Variants in CNTN5 observed in about 807,000 individuals in gnomAD.
CNTN5 encodes contactin 5.
A neutral mutation model predicts 129.1 loss-of-function variants in CNTN5; 77 were observed. The ratio of observed to expected loss-of-function variants is 0.60; its 90% confidence interval spans 0.50 to 0.72. The LOEUF (loss-of-function observed/expected upper bound fraction) is 0.72. Ranked by LOEUF, CNTN5 falls within the 30% of genes least tolerant of loss-of-function variation. The pLI is 0.00. For synonymous variants in CNTN5, 509 were observed against 465.6 expected (o/e 1.09, Z -1.20); for missense variants, 1,478 against 1,328.8 (o/e 1.11, Z -1.75).
chr11:100,341,089 G>T lies in CNTN5; in HGVS notation c.2918-4G>T, dbSNP rs771184087. On this transcript the variant is annotated splice_region_variant and splice_polypyrimidine_tract_variant and intron_variant, in intron 22 of 24. Coordinates refer to ENST00000524871, the MANE Select transcript of CNTN5 (RefSeq NM_014361.4). ...TCAGTTCACTTTCACTTTTTATTTT[G>T]CAGCTCCTAGTCAAGCACCTAGCAA... The T allele has an allele frequency of 6.3e-7, 1 of 1,598,214 alleles. No homozygotes were observed. Among genetic ancestry groups the T allele is most frequent in the Non-Finnish European group, 8.6e-7 (1 of 1,166,740 alleles).
At chr11:99,280,518 G>T (rs991344900) in intron 1 of CNTN5, among the ~76,000 whole-genome samples, 2 of 151,240 alleles carry the variant, frequency 1.3e-5, no homozygotes, top group Non-Finnish European at 3.0e-5. Context: ...TCAATTGCCA[G>T]CAAGAAAAAC....
chr11:99,035,506 T>C (rs1463598914), intron 1 of CNTN5, among the ~76,000 whole-genome samples: 1 of 150,624 alleles, frequency 6.6e-6, no homozygotes, highest in African/African-American at 2.4e-5. Context: ...GTTGAATTGA[T>C]CCCTTTACCA....
At chr11:99,656,055 AGTGT>A (rs1403192232) in intron 3 of CNTN5, among the ~76,000 whole-genome samples, 1 of 151,940 alleles carries the variant, frequency 6.6e-6, no homozygotes, top group African/African-American at 2.4e-5. Context: ...TATAGGTATA[AGTGT>A]GTGTACATAT....
At chr11:99,973,404 A>G (rs1233056209) in intron 8 of CNTN5, among the ~76,000 whole-genome samples, 2 of 152,156 alleles carry the variant, frequency 1.3e-5, no homozygotes, top group East Asian at 3.8e-4. Flanking sequence ...TTGAGCTGCC[A>G]TAGGTGATAG....
intron 6 of CNTN5, among the ~76,000 whole-genome samples, chr11:99,901,348 C>T (rs10894127): frequency 0.12 from 18,809 of 151,832 alleles, 1,508 homozygotes; most frequent in Middle Eastern, 0.19. Flanking sequence ...TGGAGTGCAG[C>T]GGCACGATCT....
chr11:99,963,126 G>A (rs2136196306), intron 8 of CNTN5, among the ~76,000 whole-genome samples: 1 of 152,244 alleles, frequency 6.6e-6, no homozygotes, highest in African/African-American at 2.4e-5. Context: ...CAATCTGATG[G>A]TAGTTTCTTT....
At chr11:99,735,183 A>G (rs570316105) in intron 3 of CNTN5, among the ~76,000 whole-genome samples, 1 of 151,216 alleles carries the variant, frequency 6.6e-6, no homozygotes, top group African/African-American at 2.4e-5. Context: ...AGAAGAGATT[A>G]CGTTCTAAGG....
intron 18 of CNTN5, among the ~76,000 whole-genome samples, chr11:100,288,570 G>C (rs573139872): frequency 9.9e-5 from 15 of 152,086 alleles, no homozygotes; most frequent in African/African-American, 3.4e-4. Flanking sequence ...CGAGAACAAA[G>C]ACACAACATA....
intron 21 of CNTN5, among the ~76,000 whole-genome samples, chr11:100,323,001 CATTAT>C (rs1385315564): frequency 2.0e-5 from 3 of 152,150 alleles, no homozygotes; most frequent in African/African-American, 7.2e-5. Context: ...AACTGTCAGC[CATTAT>C]ATTGTTTCAC....
intron 13 of CNTN5, among the ~76,000 whole-genome samples, chr11:100,139,342 A>C (rs1171782273): frequency 1.3e-5 from 2 of 152,154 alleles, no homozygotes; most frequent in Admixed American, 1.3e-4. Flanking sequence ...AAAGAAACTG[A>C]TTTACATAGT....
At chr11:99,841,151 C>T (rs991964886) in intron 4 of CNTN5, among the ~76,000 whole-genome samples, 1 of 152,102 alleles carries the variant, frequency 6.6e-6, no homozygotes, top group African/African-American at 2.4e-5. Context: ...ACTGGCTTAA[C>T]AGCAACAAAA....
At chr11:99,206,267 A>T (rs1859475610) in intron 1 of CNTN5, among the ~76,000 whole-genome samples, 1 of 152,080 alleles carries the variant, frequency 6.6e-6, no homozygotes, top group African/African-American at 2.4e-5. Flanking sequence ...AGTGGGTGGA[A>T]TATGTACTGT....
At chr11:99,191,250 T>C (rs1858627788) in intron 1 of CNTN5, among the ~76,000 whole-genome samples, 1 of 151,898 alleles carries the variant, frequency 6.6e-6, no homozygotes, top group African/African-American at 2.4e-5. Flanking sequence ...GATAGTATTT[T>C]GTTGAGGTTT....
intron 8 of CNTN5, among the ~76,000 whole-genome samples, chr11:99,979,688 A>T (rs1938214408): frequency 6.6e-6 from 1 of 152,234 alleles, no homozygotes; most frequent in African/African-American, 2.4e-5. Flanking sequence ...CATAGTTCAT[A>T]ACTTAGTTGT....
At chr11:99,801,143 T>A (rs371118840) in intron 3 of CNTN5, among the ~76,000 whole-genome samples, 1 of 152,194 alleles carries the variant, frequency 6.6e-6, no homozygotes, top group East Asian at 1.9e-4. Flanking sequence ...ATGAATTCCC[T>A]TAGGGCTTGC....
chr11:99,282,127 C>A (rs1485428792), intron 1 of CNTN5, among the ~76,000 whole-genome samples: 2 of 151,802 alleles, frequency 1.3e-5, no homozygotes, highest in East Asian at 1.9e-4. Flanking sequence ...ATTTTATTCA[C>A]GATCTGAAAA....
chr11:99,198,571 A>G (rs903207096), intron 1 of CNTN5, among the ~76,000 whole-genome samples: 4 of 152,154 alleles, frequency 2.6e-5, no homozygotes, highest in Non-Finnish European at 5.9e-5. Context: ...ATAACTGTTT[A>G]ACAACAAAAA....
intron 2 of CNTN5, among the ~76,000 whole-genome samples, chr11:99,413,483 G>T (rs1252945814): frequency 1.3e-5 from 2 of 152,086 alleles, no homozygotes; most frequent in Non-Finnish European, 2.9e-5. Flanking sequence ...GCCAGGTGTG[G>T]TGGTGGGCAC....
intron 1 of CNTN5, among the ~76,000 whole-genome samples, chr11:99,080,540 C>A (rs1289968713): frequency 6.6e-6 from 1 of 152,166 alleles, no homozygotes; most frequent in Non-Finnish European, 1.5e-5. Context: ...AGAGAAGGGG[C>A]AGATTCCCAA....
Sources: allele counts gnomAD v4.1 joint callset (sites outside exome capture counted in the v4.1 genomes callset), GRCh38; gene constraint gnomAD v4.1.1; transcripts MANE v1.5; gene names NCBI Gene and HGNC (gene_info 2026-07-23, HGNC 2026-07-21).